The following ANO6 variants were observed in gnomAD, a reference collection of about 807,000 sequenced individuals.
ANO6 encodes the protein anoctamin 6, also known as anoctamin-6.
ANO6 carries 106 observed loss-of-function variants against 117.5 expected under a neutral mutation model. The ratio of observed to expected loss-of-function variants is 0.90; its 90% CI spans 0.77 to 1.06. The LOEUF (loss-of-function observed/expected upper bound fraction) is 1.06. ANO6 is among the 50% of genes least tolerant of loss of function. ANO6 has a pLI of 0.00. For missense variants in ANO6, 955 were observed against 1,121.1 expected (o/e 0.85, Z 2.12); for synonymous variants, 367 against 385.1 (o/e 0.95, Z 0.55).
chr12:45,394,563 A>G (rs1430682229), intron 12 of ANO6, among the ~76,000 whole-genome samples: 1 of 152,198 alleles, frequency 6.6e-6, no homozygotes, highest in Admixed American at 6.5e-5. Context: ...ACCACATCAC[A>G]TTTATTCTAA....
intron 10 of ANO6, among the ~76,000 whole-genome samples, chr12:45,384,725 C>T (rs1200316821): frequency 6.6e-6 from 1 of 152,090 alleles, no homozygotes; most frequent in Non-Finnish European, 1.5e-5. Flanking sequence ...GATCACTTAT[C>T]ACAGACCACT....
In ANO6 at chr12:45,439,450, T is replaced by C. The variant is rs145884756; in HGVS notation, c.2527-225T>C. ...GAGACAAACCTAAGCAGGAGGCAAA[T>C]CAAACAAGGCTATCATGATATTGAT... On this transcript the variant is annotated intron_variant, in intron 19 of 19. Coordinates refer to the ANO6 transcript ENST00000425752. 1.7e-3 allele frequency among the ~76,000 whole-genome samples: 259 copies of C among 152,200 alleles called. 2 individuals are homozygous for C. The highest frequency in any genetic ancestry group is 5.9e-3 in the African/African-American group (245 of 41,530).
At chr12:45,231,836 A>G (rs1947578980) in intron 1 of ANO6, among the ~76,000 whole-genome samples, 3 of 151,980 alleles carry the variant, frequency 2.0e-5, no homozygotes, top group Admixed American at 2.0e-4. Flanking sequence ...CAAACACAGC[A>G]AAAGGCTTTT....
At chr12:45,306,231 C>T (rs1939664023) in intron 2 of ANO6, among the ~76,000 whole-genome samples, 1 of 152,150 alleles carries the variant, frequency 6.6e-6, no homozygotes, top group Non-Finnish European at 1.5e-5. Flanking sequence ...TATAACCCTA[C>T]TGACTTTTGA....
At chr12:45,361,890 G>T (rs1941564546) in intron 8 of ANO6, among the ~76,000 whole-genome samples, 1 of 151,910 alleles carries the variant, frequency 6.6e-6, no homozygotes, top group Non-Finnish European at 1.5e-5. Flanking sequence ...GGCAGGATTT[G>T]GTTTTCTAGT....
chr12:45,318,240 G>T (rs1253698677), intron 2 of ANO6, among the ~76,000 whole-genome samples: 2 of 152,034 alleles, frequency 1.3e-5, no homozygotes, highest in East Asian at 3.9e-4. Context: ...TTTCTTCTAG[G>T]GTTTTTATGG....
At chr12:45,368,730 T>G (rs1941747367) in intron 9 of ANO6, among the ~76,000 whole-genome samples, 1 of 152,218 alleles carries the variant, frequency 6.6e-6, no homozygotes, top group Non-Finnish European at 1.5e-5. Context: ...CATGAGAGTT[T>G]AGGAATCATT....
chr12:45,218,376 GTTTC>G (rs1214032567), intron 1 of ANO6, among the ~76,000 whole-genome samples: 16 of 133,428 alleles, frequency 1.2e-4, no homozygotes, highest in South Asian at 2.4e-4. Flanking sequence ...TGTGATTTCT[GTTTC>G]TTTCTTTCTC....
At chr12:45,361,898 A>G (rs1941565009) in intron 8 of ANO6, among the ~76,000 whole-genome samples, 1 of 152,066 alleles carries the variant, frequency 6.6e-6, no homozygotes, top group African/African-American at 2.4e-5. Flanking sequence ...TTGGTTTTCT[A>G]GTATTTTATT....
chr12:45,353,700 A>G (rs1036095464), intron 7 of ANO6, among the ~76,000 whole-genome samples: 1 of 152,180 alleles, frequency 6.6e-6, no homozygotes, highest in African/African-American at 2.4e-5. Context: ...CAAACTGGAA[A>G]CAGCAACCTA....
At chr12:45,379,435 TCTGA>T (rs1409731186) in intron 10 of ANO6, among the ~76,000 whole-genome samples, 4 of 152,224 alleles carry the variant, frequency 2.6e-5, no homozygotes, top group Non-Finnish European at 4.4e-5. Context: ...GAGACCAAAC[TCTGA>T]CTAATATTTG....
At chr12:45,248,770 C>T (rs991961973) in intron 1 of ANO6, among the ~76,000 whole-genome samples, 1 of 151,998 alleles carries the variant, frequency 6.6e-6, no homozygotes, top group Admixed American at 6.6e-5. Flanking sequence ...AGTCAACTGA[C>T]CTGAAGGAAT....
chr12:45,226,663 T>A (rs1656794031), intron 1 of ANO6, among the ~76,000 whole-genome samples: 1 of 152,164 alleles, frequency 6.6e-6, no homozygotes, highest in South Asian at 2.1e-4. Context: ...AAATAATCTT[T>A]GGCTTTGCAC....
At chr12:45,265,992 A>G (rs1311728830) in intron 1 of ANO6, among the ~76,000 whole-genome samples, 2 of 152,176 alleles carry the variant, frequency 1.3e-5, no homozygotes, top group Non-Finnish European at 2.9e-5. Context: ...CCTGAACATA[A>G]ATCACTTCTC....
At chr12:45,371,286 G>A (rs1001006461) in intron 9 of ANO6, among the ~76,000 whole-genome samples, 1 of 152,198 alleles carries the variant, frequency 6.6e-6, no homozygotes, top group Non-Finnish European at 1.5e-5. Context: ...GCTAGGGGAG[G>A]GGCGCCCGCC....
intron 1 of ANO6, among the ~76,000 whole-genome samples, chr12:45,239,368 T>C (rs1312016159): frequency 6.6e-6 from 1 of 152,256 alleles, no homozygotes; most frequent in Non-Finnish European, 1.5e-5. Flanking sequence ...TTTGTATTCC[T>C]GTTGGATTGG....
chr12:45,424,814 A>C (rs1943459787), intron 19 of ANO6, among the ~76,000 whole-genome samples: 1 of 152,106 alleles, frequency 6.6e-6, no homozygotes, highest in South Asian at 2.1e-4. Flanking sequence ...CAGAGACCCA[A>C]AACAGGGCTG....
At chr12:45,390,146 C>T (rs1942403282) in intron 11 of ANO6, among the ~76,000 whole-genome samples, 4 of 152,150 alleles carry the variant, frequency 2.6e-5, no homozygotes, top group Non-Finnish European at 4.4e-5. Context: ...CAGCTTGGCA[C>T]CATCAGACAC....
At chr12:45,378,495 C>T (rs1200294594) in intron 10 of ANO6, among the ~76,000 whole-genome samples, 7 of 152,102 alleles carry the variant, frequency 4.6e-5, no homozygotes, top group Non-Finnish European at 8.8e-5. Flanking sequence ...CTCTGCTCCA[C>T]ATGGTGTCTC....
Sources: gnomAD v4.1 joint callset for allele counts (sites outside exome capture counted in the v4.1 genomes callset) on GRCh38, gnomAD v4.1.1 for gene constraint, MANE v1.5 for transcripts, NCBI Gene and HGNC (gene_info 2026-07-23, HGNC 2026-07-21) for gene names.